The following NBPF11 variants were observed in gnomAD, a reference collection of about 807,000 sequenced individuals.
The protein encoded by NBPF11 is NBPF member 11, also known as NBPF family member NBPF11.
In NBPF11, 72 loss-of-function variants were observed where a neutral mutation model predicts 93.9. That is an observed-to-expected ratio of 0.77 (90% CI 0.63 to 0.93). The LOEUF is 0.93. NBPF11 is among the 40% of genes least tolerant of loss of function. NBPF11 has a pLI of 0.00. For missense variants in NBPF11, 705 were observed against 802.2 expected, an observed-to-expected ratio of 0.88 and a Z score of 1.46; for synonymous variants, 224 against 304.9, an observed-to-expected ratio of 0.73 and a Z score of 2.76.
intron 2 of NBPF11, among the ~76,000 whole-genome samples, chr1:148,142,117 T>G (rs1672292186): frequency 1.5e-4 from 18 of 118,978 alleles, no homozygotes; most frequent in East Asian, 5.1e-4. Flanking sequence ...AGGGAAAGAA[T>G]AAAGAGAGAG....
chr1:148,149,668 C>A (rs1418644334), intron 1 of NBPF11: 17 of 991,362 alleles, frequency 1.7e-5, no homozygotes, highest in Middle Eastern at 3.2e-4. Flanking sequence ...CCCGGGCGGC[C>A]CAGGGGACCC....
chr1:148,122,561 G>C (rs76022208), intron 8 of NBPF11, among the ~76,000 whole-genome samples, 168 bp downstream of exon 8: 1 of 152,066 alleles, frequency 6.6e-6, no homozygotes, highest in Non-Finnish European at 1.5e-5. Context: ...GGCACACATA[G>C]AGAAACACAA....
chr1:148,102,229 T>A lies in NBPF11; in HGVS notation c.*1667A>T, dbSNP rs1197084228. Reference sequence around the variant, plus strand: ...TAAAACTCAGGCAAAGAATGTTTTCTTCTTTTTGCAACAGCAGACACTAGT... The same window carrying A: ...TAAAACTCAGGCAAAGAATGTTTTCATCTTTTTGCAACAGCAGACACTAGT... On this transcript the variant is annotated 3_prime_UTR_variant, in exon 24 of 24. Transcript: ENST00000682118. The A allele has an allele frequency of 6.6e-6, 1 of 151,800 alleles. No individual in the cohort carries two copies. Among genetic ancestry groups the A allele is most frequent in the Non-Finnish European group, 1.5e-5 (1 of 68,040 alleles). The allele number at this position is 151,800 out of a possible 1,614,324, so 9.4% of individuals were successfully genotyped here.
chr1:148,120,814 G>C, intron 9 of NBPF11, 104 bp from the exon 10 acceptor site: 1 of 901,620 alleles, frequency 1.1e-6, no homozygotes, highest in Admixed American at 1.8e-5. Flanking sequence ...TTACTTATTT[G>C]AAGATGTTGT....
intron 15 of NBPF11, among the ~76,000 whole-genome samples, chr1:148,112,988 AC>A (rs1665663526): frequency 6.6e-6 from 1 of 151,968 alleles, no homozygotes; most frequent in South Asian, 2.1e-4. Context: ...ATGGAAAGGA[AC>A]AACCGGTACC....
intron 1 of NBPF11, among the ~76,000 whole-genome samples, chr1:148,144,580 T>C (rs1236511202): frequency 6.6e-6 from 1 of 151,150 alleles, no homozygotes; most frequent in East Asian, 1.9e-4. Context: ...ATTGAACACA[T>C]ACAAAAAAAA....
At chr1:148,114,332 G>A in intron 15 of NBPF11, 105 bp downstream of exon 15, 2 of 652,502 alleles carry the variant, frequency 3.1e-6, no homozygotes, top group East Asian at 2.6e-5. Flanking sequence ...TTTGTAGCTG[G>A]GTGAATGGAA....
At chr1:148,124,154 T>C in intron 6 of NBPF11, 87 bp from the exon 7 acceptor site, 2 of 1,455,036 alleles carry the variant, frequency 1.4e-6, no homozygotes, top group Non-Finnish European at 1.9e-6. Flanking sequence ...TGAGACAATG[T>C]TCTCAAGGAG....
intron 1 of NBPF11, chr1:148,146,319 C>A (rs1265382446): frequency 2.2e-5 from 30 of 1,383,716 alleles, no homozygotes; most frequent in Non-Finnish European, 2.7e-5. Flanking sequence ...GCACCCCACC[C>A]CTCCCCTGCC....
intron 8 of NBPF11, 148 bp downstream of exon 8, chr1:148,122,581 C>T (rs1267016534): frequency 3.3e-6 from 4 of 1,204,350 alleles, no homozygotes; most frequent in Non-Finnish European, 4.9e-6. Flanking sequence ...ACAGCTGCCG[C>T]ACCCTGTGTC....
intron 15 of NBPF11, among the ~76,000 whole-genome samples, chr1:148,113,012 A>G (rs1252755847): frequency 1.3e-5 from 2 of 152,022 alleles, no homozygotes; most frequent in Admixed American, 6.5e-5. Context: ...CCACTGCAAA[A>G]ACATGCCAAA....
chr1:148,123,847 C>A lies in NBPF11; in HGVS notation c.493+6G>T, dbSNP rs1668465560. 1 of 1,584,586 alleles carries A rather than the reference C, an allele frequency of 6.3e-7. No individual in the cohort carries two copies. The highest frequency in any genetic ancestry group is 8.6e-7 in the Non-Finnish European group (1 of 1,157,438). ...TTTGGGTCATCAGGGCCTATGGCCA[C>A]CTTACCTGGGCTGAGCTTTTGGACA... On this transcript the variant is annotated splice_donor_region_variant and intron_variant, in intron 7 of 23. Coordinates refer to ENST00000682118, the MANE Select transcript of NBPF11 (RefSeq NM_001385469.3).
chr1:148,145,560 A>C (rs1672863289), intron 1 of NBPF11, among the ~76,000 whole-genome samples: 1 of 150,280 alleles, frequency 6.7e-6, no homozygotes, highest in African/African-American at 2.5e-5. Flanking sequence ...ATAAAGGAAA[A>C]GATTGATAAA....
chr1:148,150,965 G>T (rs1648158611), intron 1 of NBPF11, among the ~76,000 whole-genome samples: 2 of 151,846 alleles, frequency 1.3e-5, no homozygotes, highest in Admixed American at 6.6e-5. Context: ...CTGACCTCAT[G>T]ATCCGCCCGC....
At chr1:148,119,395 G>A (rs1192141453) in intron 10 of NBPF11, among the ~76,000 whole-genome samples, 1 of 152,048 alleles carries the variant, frequency 6.6e-6, no homozygotes, top group Non-Finnish European at 1.5e-5. Context: ...AATAGCTCAT[G>A]TAATTCACTG....
intron 8 of NBPF11, 93 bp downstream of exon 8, chr1:148,122,636 C>G: frequency 4.5e-6 from 7 of 1,560,152 alleles, no homozygotes; most frequent in Non-Finnish European, 6.2e-6. Flanking sequence ...GGAATGCGGG[C>G]TTTTGGCCCA....
Position 148,124,991 on chromosome 1 carries a change from C to T in NBPF11, c.186G>A (p.Glu62=). The T allele has an allele frequency of 6.3e-7, 1 of 1,590,108 alleles. No individual in the cohort carries two copies. The highest frequency in any genetic ancestry group is 1.7e-5 in the Admixed American group (1 of 59,954). The change falls in exon 6 of 24, where the codon GAG becomes GAA. Residue 62 remains glutamate, a synonymous_variant. Transcript: ENST00000682118. Reference sequence around the variant, plus strand: ...GCATAAATTTTATGAGGTCTTTACACTCTTCATACTCTGAGAAAAGACAGA... The same window carrying T: ...GCATAAATTTTATGAGGTCTTTACATTCTTCATACTCTGAGAAAAGACAGA... The part of the protein sequence containing the change: ...ANRQKKYKYE[E]CKDLIKFMLR...
At chr1:148,109,117 G>C (rs1488327599) in intron 17 of NBPF11, among the ~76,000 whole-genome samples, 167 bp downstream of exon 17, 1 of 151,488 alleles carries the variant, frequency 6.6e-6, no homozygotes, top group Non-Finnish European at 1.5e-5. Flanking sequence ...GGAAGAAATG[G>C]AAACCTAAAC....
chr1:148,108,653 G>A lies in NBPF11; in HGVS notation c.1855C>T (p.Leu619Phe), dbSNP rs1224954362. ...KEDQEATGPR[L>F]SRELLDEKEP... Reference sequence around the variant, plus strand: ...TTCTCATCCAGCAGCTCCCTGCTGAGCCTGGAAAAGTGGGAAAAAGTAAAG... The same window carrying A: ...TTCTCATCCAGCAGCTCCCTGCTGAACCTGGAAAAGTGGGAAAAAGTAAAG... Residue 619 changes from leucine to phenylalanine, a missense_variant and splice_region_variant, in exon 18 of 24, where the codon CTC (leucine) becomes TTC (phenylalanine). Leu to Phe is a conservative substitution (Grantham distance 22, BLOSUM62 0). Around this residue, in one of 12 missense-constraint regions of NBPF11, gnomAD observed 97 missense variants for 65.0 expected, o/e 1.49. Transcript: ENST00000682118. 10 of 1,049,226 alleles carry A rather than the reference G, an allele frequency of 9.5e-6. 1 individual carries two copies. The East Asian group carries it at 2.4e-4, about 25-fold the overall frequency. 65.0% of individuals were successfully genotyped at this position (1,049,226 alleles called of 1,614,324 possible).
Sources: gnomAD v4.1 joint callset for allele counts (sites outside exome capture counted in the v4.1 genomes callset) on GRCh38, gnomAD v4.1.1 for gene constraint, gnomAD v4.1.1 regional missense constraint, MANE v1.5 for transcripts, NCBI Gene and HGNC (gene_info 2026-07-23, HGNC 2026-07-21) for gene names.